The following PIK3CB variants were observed in gnomAD, a reference collection of about 807,000 sequenced individuals.
PIK3CB encodes the protein phosphatidylinositol-4,5-bisphosphate 3-kinase catalytic subunit beta.
PIK3CB carries 39 observed loss-of-function variants against 136.8 expected under a neutral mutation model. That is an observed-to-expected ratio of 0.29 (90% CI 0.22 to 0.37). PIK3CB has a LOEUF of 0.37. Ranked by LOEUF, PIK3CB falls within the 10% of genes least tolerant of loss-of-function variation. The pLI is 1.00. For missense variants in PIK3CB, 868 were observed against 1,275.4 expected (o/e 0.68, Z 4.87); for synonymous variants, 428 against 436.6 (o/e 0.98, Z 0.25).
chr3:138,825,371 G>C lies in PIK3CB; in HGVS notation c.-122+9324C>G, dbSNP rs539162554. The C allele has an allele frequency of 2.5e-5, 15 of 593,188 alleles. No individual in the cohort carries two copies. In the Admixed American group the frequency reaches 3.5e-4, roughly 14 times the overall value. The allele number at this position is 593,188 out of a possible 1,614,324, so 36.7% of individuals were successfully genotyped here. On this transcript the variant is annotated intron_variant, in intron 1 of 23. Coordinates refer to ENST00000674063, the MANE Select transcript of PIK3CB (RefSeq NM_006219.3). ...GTCAGCATGCCCTTCTGGCTTATAT[G>C]CTGAAGTGTGAAGCAACTAATTGGT...
At chr3:138,667,470 T>C (rs2108432253) in intron 19 of PIK3CB, among the ~76,000 whole-genome samples, 1 of 152,212 alleles carries the variant, frequency 6.6e-6, no homozygotes, top group South Asian at 2.1e-4. Flanking sequence ...TTAGCATGTA[T>C]CACAATCAGA....
chr3:138,793,206 A>G (rs778035223), intron 2 of PIK3CB, among the ~76,000 whole-genome samples: 1 of 152,242 alleles, frequency 6.6e-6, no homozygotes, highest in Non-Finnish European at 1.5e-5. Context: ...TATGAAAAGA[A>G]TTAAAATATG....
At chr3:138,706,855 C>T (rs572274675) in intron 11 of PIK3CB, among the ~76,000 whole-genome samples, 2 of 152,290 alleles carry the variant, frequency 1.3e-5, no homozygotes, top group East Asian at 3.9e-4. Flanking sequence ...AGGGCTTCTC[C>T]ATGTTTGTCA....
intron 4 of PIK3CB, among the ~76,000 whole-genome samples, chr3:138,743,724 AT>A (rs1257122393): frequency 2.0e-5 from 3 of 151,494 alleles, no homozygotes; most frequent in African/African-American, 7.3e-5. Flanking sequence ...ACATGCCACT[AT>A]GTCTGGATAA....
chr3:138,675,456 C>T (rs2043625112), intron 19 of PIK3CB, among the ~76,000 whole-genome samples: 1 of 151,976 alleles, frequency 6.6e-6, no homozygotes, highest in Non-Finnish European at 1.5e-5. Flanking sequence ...TATATATGTC[C>T]AGGATGCTCA....
At chr3:138,712,453 G>A in intron 9 of PIK3CB, 149 bp from the exon 10 acceptor site, 1 of 424,374 alleles carries the variant, frequency 2.4e-6, no homozygotes, top group South Asian at 7.2e-5. Flanking sequence ...GATATACATA[G>A]AAAAATGCTC....
At position 138,734,615 on chromosome 3, in the gene PIK3CB, G is replaced by T. The variant is rs368092165; in HGVS notation, c.972+19C>A. On this transcript the variant is annotated intron_variant, in intron 7 of 23. Coordinates refer to ENST00000674063, the MANE Select transcript of PIK3CB (RefSeq NM_006219.3). Reference sequence around the variant, plus strand: ...CACATGGCTTTTGGGGTTACTAAAGGTTCAGAAATAAAACTTACAGAAATA... The same window carrying T: ...CACATGGCTTTTGGGGTTACTAAAGTTTCAGAAATAAAACTTACAGAAATA... 1.3e-5 allele frequency: 20 copies of T among 1,575,722 alleles called. No individual in the cohort carries two copies. The highest frequency in any genetic ancestry group is 8.0e-5 in the South Asian group (7 of 88,008).
intron 6 of PIK3CB, among the ~76,000 whole-genome samples, chr3:138,735,527 T>C (rs1407026582): frequency 6.6e-6 from 1 of 152,168 alleles, no homozygotes; most frequent in Admixed American, 6.5e-5. Context: ...ATGTGGCAGA[T>C]TCACACTTTC....
At chr3:138,744,917 T>C (rs1215947987) in intron 4 of PIK3CB, among the ~76,000 whole-genome samples, 1 of 152,262 alleles carries the variant, frequency 6.6e-6, no homozygotes, top group Non-Finnish European at 1.5e-5. Context: ...CCACGATCTG[T>C]ATCTTGAAAC....
chr3:138,834,058 G>A (rs1334593588), intron 1 of PIK3CB, among the ~76,000 whole-genome samples: 1 of 152,204 alleles, frequency 6.6e-6, no homozygotes, highest in Non-Finnish European at 1.5e-5. Flanking sequence ...ACGCACGCCA[G>A]CAGCCAGGAA....
At chr3:138,750,281 T>C (rs114920917) in intron 4 of PIK3CB, among the ~76,000 whole-genome samples, 2,369 of 152,272 alleles carry the variant, frequency 0.016, 27 homozygotes, top group Non-Finnish European at 0.023. Flanking sequence ...GAAGAGAACA[T>C]TTAAAAATTC....
chr3:138,782,747 G>C (rs2045935431), intron 2 of PIK3CB, among the ~76,000 whole-genome samples: 1 of 152,188 alleles, frequency 6.6e-6, no homozygotes, highest in South Asian at 2.1e-4. Context: ...TGGAATAGAG[G>C]ATGACAGAGT....
At chr3:138,826,499 G>GTTTTTTT (rs34843148) in intron 1 of PIK3CB, among the ~76,000 whole-genome samples, 2 of 95,928 alleles carry the variant, frequency 2.1e-5, no homozygotes, top group African/African-American at 8.1e-5. Context: ...GACCATTTGG[G>GTTTTTTT]TTTTTTTTTT....
intron 4 of PIK3CB, among the ~76,000 whole-genome samples, chr3:138,744,613 T>G (rs2045316586): frequency 6.6e-6 from 1 of 152,016 alleles, no homozygotes; most frequent in African/African-American, 2.4e-5. Flanking sequence ...ATTTCTGACT[T>G]CTTTGCTTTT....
intron 7 of PIK3CB, among the ~76,000 whole-genome samples, chr3:138,734,279 A>G (rs976339974): frequency 6.6e-6 from 1 of 152,202 alleles, no homozygotes; most frequent in African/African-American, 2.4e-5. Flanking sequence ...GCTGATAGAA[A>G]TGAAATATAC....
chr3:138,765,969 TCTTTC>T (rs141757863), intron 2 of PIK3CB, among the ~76,000 whole-genome samples: 4,756 of 152,314 alleles, frequency 0.031, 252 homozygotes, highest in African/African-American at 0.11. Context: ...AGCCCATGTA[TCTTTC>T]CTTAAAAGAA....
chr3:138,832,890 T>C (rs1009949513), intron 1 of PIK3CB, among the ~76,000 whole-genome samples: 3 of 148,016 alleles, frequency 2.0e-5, no homozygotes, highest in South Asian at 2.2e-4. Flanking sequence ...CACGCCCCTG[T>C]AGTCTCAGCC....
At chr3:138,716,047 ACTTTT>A (rs2044600158) in intron 8 of PIK3CB, among the ~76,000 whole-genome samples, 1 of 152,152 alleles carries the variant, frequency 6.6e-6, no homozygotes, top group Non-Finnish European at 1.5e-5. Context: ...TATATTTGAA[ACTTTT>A]CTTTTGAAAA....
intron 9 of PIK3CB, among the ~76,000 whole-genome samples, chr3:138,713,432 G>A (rs992728562): frequency 6.6e-6 from 1 of 152,070 alleles, no homozygotes; most frequent in Non-Finnish European, 1.5e-5. Flanking sequence ...AGCACTTTGG[G>A]AGGCCGAGGC....
Sources: allele counts gnomAD v4.1 joint callset (sites outside exome capture counted in the v4.1 genomes callset), GRCh38; gene constraint gnomAD v4.1.1; transcripts MANE v1.5; gene names NCBI Gene and HGNC (gene_info 2026-07-23, HGNC 2026-07-21).